The following IQCM variants were observed in gnomAD, a reference collection of about 807,000 sequenced individuals.
IQCM encodes IQ motif containing M.
A neutral mutation model predicts 57.6 loss-of-function variants in IQCM; 45 were observed. The observed-to-expected ratio is 0.78, with a 90% CI of 0.62 to 1.00. IQCM has a LOEUF of 1.00. Among genes scored for constraint, IQCM ranks in the 50% least tolerant of loss-of-function variants. The pLI is 0.00. For missense variants in IQCM, 468 were observed against 511.6 expected, an observed-to-expected ratio of 0.91 and a Z score of 0.82; for synonymous variants, 148 against 158.9, an observed-to-expected ratio of 0.93 and a Z score of 0.51.
intron 13 of IQCM, among the ~76,000 whole-genome samples, chr4:149,414,375 C>A (rs1273619752): frequency 6.6e-6 from 1 of 152,116 alleles, no homozygotes; most frequent in Non-Finnish European, 1.5e-5. Context: ...TTTCCTTTCA[C>A]GATGACAGTT....
At chr4:149,781,426 C>T (rs181279175) in intron 2 of IQCM, among the ~76,000 whole-genome samples, 4 of 152,250 alleles carry the variant, frequency 2.6e-5, no homozygotes, top group Admixed American at 2.6e-4. Context: ...GTTTATGCTA[C>T]CCACCCTTAG....
intron 13 of IQCM, among the ~76,000 whole-genome samples, chr4:149,431,274 A>G (rs1734834444): frequency 6.6e-6 from 1 of 151,996 alleles, no homozygotes; most frequent in African/African-American, 2.4e-5. Flanking sequence ...ACCATTTTAT[A>G]TTTGTACTAG....
intron 7 of IQCM, among the ~76,000 whole-genome samples, chr4:149,654,429 C>T (rs2150140184): frequency 6.6e-6 from 1 of 152,184 alleles, no homozygotes. Context: ...ACTCCCTCAT[C>T]TCCTCATGCC....
chr4:149,382,486 G>T (rs565786370), intron 13 of IQCM, among the ~76,000 whole-genome samples: 15 of 152,090 alleles, frequency 9.9e-5, no homozygotes, highest in African/African-American at 3.1e-4. Context: ...AATGAAATTG[G>T]CACTGGGTCT....
chr4:149,598,559 A>G (rs1480878963), intron 8 of IQCM, among the ~76,000 whole-genome samples: 1 of 152,168 alleles, frequency 6.6e-6, no homozygotes, highest in Non-Finnish European at 1.5e-5. Flanking sequence ...AATGAAAGAA[A>G]TGCATTTAAA....
chr4:149,384,928 C>T (rs987892208), intron 13 of IQCM, among the ~76,000 whole-genome samples: 3 of 151,896 alleles, frequency 2.0e-5, no homozygotes, highest in African/African-American at 7.3e-5. Context: ...TGTAATTCAG[C>T]TATTAGTGAT....
intron 5 of IQCM, among the ~76,000 whole-genome samples, chr4:149,695,423 C>A (rs1561167224): frequency 6.6e-6 from 1 of 151,990 alleles, no homozygotes. Flanking sequence ...ATGAAATGTA[C>A]CCTTCAGCTT....
intron 12 of IQCM, among the ~76,000 whole-genome samples, chr4:149,511,268 C>A: frequency 6.6e-6 from 1 of 151,926 alleles, no homozygotes; most frequent in East Asian, 1.9e-4. Context: ...CCTGTAATCC[C>A]AGGACTTTGG....
intron 12 of IQCM, among the ~76,000 whole-genome samples, chr4:149,447,733 G>A (rs1486548174): frequency 1.3e-5 from 2 of 151,590 alleles, no homozygotes; most frequent in East Asian, 3.9e-4. Context: ...GAAAAATAAT[G>A]ACCAATTTTC....
At chr4:149,467,502 T>C (rs1426832001) in intron 12 of IQCM, among the ~76,000 whole-genome samples, 1 of 152,176 alleles carries the variant, frequency 6.6e-6, no homozygotes, top group African/African-American at 2.4e-5. Context: ...ATAAGTAAAT[T>C]GCTTGTATGT....
At chr4:149,539,192 C>T in intron 12 of IQCM, among the ~76,000 whole-genome samples, 1 of 152,012 alleles carries the variant, frequency 6.6e-6, no homozygotes, top group Non-Finnish European at 1.5e-5. Flanking sequence ...CAAAATGTGG[C>T]ATATTTATAC....
At chr4:149,701,970 A>G (rs1013279620) in intron 5 of IQCM, among the ~76,000 whole-genome samples, 3 of 151,948 alleles carry the variant, frequency 2.0e-5, no homozygotes, top group African/African-American at 7.2e-5. Context: ...CTAGCCTCAC[A>G]ACTTGTCCAT....
At chr4:149,496,279 A>G (rs1178519514) in intron 12 of IQCM, among the ~76,000 whole-genome samples, 1 of 152,170 alleles carries the variant, frequency 6.6e-6, no homozygotes, top group Admixed American at 6.6e-5. Context: ...AGAATCCTGC[A>G]AGGATCTATG....
At chr4:149,479,429 T>C (rs1740542803) in intron 12 of IQCM, among the ~76,000 whole-genome samples, 1 of 152,222 alleles carries the variant, frequency 6.6e-6, no homozygotes, top group African/African-American at 2.4e-5. Flanking sequence ...TTTGAGACTA[T>C]TTACTATGTC....
chr4:149,567,716 T>C (rs1687863241), intron 9 of IQCM, among the ~76,000 whole-genome samples: 1 of 152,220 alleles, frequency 6.6e-6, no homozygotes, highest in Non-Finnish European at 1.5e-5. Flanking sequence ...CTTTTGGGTA[T>C]CCCAGATGGC....
intron 12 of IQCM, among the ~76,000 whole-genome samples, chr4:149,455,072 A>G (rs1737545450): frequency 6.6e-6 from 1 of 152,126 alleles, no homozygotes; most frequent in African/African-American, 2.4e-5. Flanking sequence ...AGTGATAAAC[A>G]TTCAGTATGC....
chr4:149,593,962 C>G (rs1207874920), intron 8 of IQCM, among the ~76,000 whole-genome samples: 1 of 152,136 alleles, frequency 6.6e-6, no homozygotes, highest in Non-Finnish European at 1.5e-5. Context: ...CAGGATGATG[C>G]TGGCCTCATC....
intron 10 of IQCM, among the ~76,000 whole-genome samples, chr4:149,563,257 A>G (rs1450692933): frequency 5.3e-5 from 8 of 152,208 alleles, no homozygotes; most frequent in Non-Finnish European, 7.3e-5. Context: ...ACAGCAAAGA[A>G]GAAACAACTT....
At chr4:149,592,015 G>C (rs1306549703) in intron 8 of IQCM, among the ~76,000 whole-genome samples, 2 of 152,120 alleles carry the variant, frequency 1.3e-5, no homozygotes, top group Non-Finnish European at 1.5e-5. Flanking sequence ...CTAGATCTTT[G>C]AGGAATCGCC....
Sources: allele counts gnomAD v4.1 joint callset (sites outside exome capture counted in the v4.1 genomes callset), GRCh38; gene constraint gnomAD v4.1.1; transcripts MANE v1.5; gene names NCBI Gene and HGNC (gene_info 2026-07-23, HGNC 2026-07-21).